Variants in MTAP observed in about 807,000 individuals in gnomAD.
The protein encoded by MTAP is S-methyl-5'-thioadenosine phosphorylase.
A neutral mutation model predicts 33.6 loss-of-function variants in MTAP; 33 were observed. The observed-to-expected ratio is 0.98, with a 90% CI of 0.74 to 1.31. MTAP has a LOEUF of 1.31. MTAP is among the 40% of genes most tolerant of loss of function. The probability of loss-of-function intolerance (pLI) is 0.00; values close to 1 mark genes in which losing one functional copy is unlikely to be tolerated. For missense variants in MTAP, 367 were observed against 360.0 expected (o/e 1.02, Z -0.16); for synonymous variants, 148 against 125.7 (o/e 1.18, Z -1.19).
At chr9:21,887,881 G>A (rs1290708957) in intron 1 of MTAP, among the ~76,000 whole-genome samples, 1 of 152,040 alleles carries the variant, frequency 6.6e-6, no homozygotes, top group Admixed American at 6.6e-5. Context: ...TGTGTGGGGG[G>A]GTTGCAGCTA....
chr9:21,871,830 C>G (rs1189140422), downstream of MTAP, among the ~76,000 whole-genome samples: 2 of 152,012 alleles, frequency 1.3e-5, no homozygotes, highest in African/African-American at 4.8e-5. Context: ...TTCTACCTCC[C>G]CAGATAGTGA....
chr9:21,924,282 C>G (rs981468660), intron 1 of MTAP, among the ~76,000 whole-genome samples: 3 of 152,124 alleles, frequency 2.0e-5, no homozygotes, highest in Non-Finnish European at 2.9e-5. Context: ...TCACATCTCC[C>G]TACTACAGTA....
intron 4 of MTAP, among the ~76,000 whole-genome samples, chr9:21,821,814 A>T (rs1352835280): frequency 3.3e-5 from 5 of 152,032 alleles, no homozygotes; most frequent in Non-Finnish European, 7.4e-5. Flanking sequence ...CCTGTTTGTT[A>T]TTGGTCTATT....
chr9:21,911,312 T>A (rs7874089), intron 1 of MTAP, among the ~76,000 whole-genome samples: 58,325 of 151,898 alleles, frequency 0.38, 13,424 homozygotes, highest in East Asian at 0.62. Context: ...CCACCCCAAA[T>A]CAACAGAATA....
At chr9:21,919,778 G>T (rs769147970) in intron 1 of MTAP, among the ~76,000 whole-genome samples, 9 of 152,116 alleles carry the variant, frequency 5.9e-5, no homozygotes, top group Admixed American at 2.0e-4. Context: ...GCACAAGTTA[G>T]TCAGAGAAGC....
At chr9:21,882,931 A>G (rs908622574) in intron 1 of MTAP, among the ~76,000 whole-genome samples, 2 of 152,022 alleles carry the variant, frequency 1.3e-5, no homozygotes, top group Non-Finnish European at 2.9e-5. Context: ...GCAGCCAAAT[A>G]TGTTCAGAGG....
rs1818801770 is a variant in MTAP at position 21,922,423 on chromosome 9, AC to A, written c.148-8584del. ...TGCCAACTTGGCCCTCTTCCAAGTTACTTTACTTTCTTTCATTCCTGCTCTA... is the reference window on the plus strand; with the variant it reads ...TGCCAACTTGGCCCTCTTCCAAGTTATTTACTTTCTTTCATTCCTGCTCTA... On this transcript the variant is annotated intron_variant, in intron 1 of 1. Transcript: ENST00000577563. This position sits in a 1 kb window ranked among gnomAD's most constrained non-coding sequence, Gnocchi z 4.8. 6.6e-6 allele frequency among the ~76,000 whole-genome samples: 1 copy of A among 152,076 alleles called. No homozygotes were observed. Among genetic ancestry groups the A allele is most frequent in the South Asian group, 2.1e-4 (1 of 4,814 alleles).
intron 6 of MTAP, 80 bp from the exon 7 acceptor site, chr9:21,859,223 G>T: frequency 6.5e-7 from 1 of 1,534,454 alleles, no homozygotes; most frequent in Middle Eastern, 1.8e-4. Context: ...GCTGTAGCAA[G>T]GCTGGAGCTC....
At chr9:21,887,268 C>A (rs537942686) in intron 1 of MTAP, among the ~76,000 whole-genome samples, 17 of 152,176 alleles carry the variant, frequency 1.1e-4, no homozygotes, top group African/African-American at 2.9e-4. Context: ...CCTCTCCCCC[C>A]ACCCCATAAT....
chr9:21,907,302 T>C (rs557450991), intron 1 of MTAP, among the ~76,000 whole-genome samples: 6 of 152,226 alleles, frequency 3.9e-5, no homozygotes, highest in Non-Finnish European at 8.8e-5. Context: ...ACCCCAGCAC[T>C]TTGGGAGGCC....
intron 6 of MTAP, chr9:21,856,249 A>G: frequency 8.3e-6 from 7 of 846,218 alleles, no homozygotes; most frequent in Non-Finnish European, 1.0e-5. Context: ...AAAGAGGCCT[A>G]ATATTGTACC....
chr9:21,831,147 A>AC (rs1401735477), intron 4 of MTAP, among the ~76,000 whole-genome samples: 1 of 151,840 alleles, frequency 6.6e-6, no homozygotes. Context: ...CCTTTCTTTC[A>AC]CCCCCAACTA....
At chr9:21,940,902 T>C (rs1819127882), downstream of MTAP, 9 of 589,038 alleles carry the variant, frequency 1.5e-5, no homozygotes, top group South Asian at 6.8e-4. Context: ...CTTTACTGCC[T>C]TTCTTCCCCC....
intron 1 of MTAP, among the ~76,000 whole-genome samples, chr9:21,812,758 A>T (rs1030943020): frequency 1.3e-5 from 2 of 152,220 alleles, no homozygotes; most frequent in Non-Finnish European, 2.9e-5. Flanking sequence ...TAACATGGAG[A>T]CAAATAACTT....
At chr9:21,817,281 C>T (rs1824499490) in intron 3 of MTAP, among the ~76,000 whole-genome samples, 1 of 152,106 alleles carries the variant, frequency 6.6e-6, no homozygotes, top group Non-Finnish European at 1.5e-5. Context: ...TATGAGTTCT[C>T]TACTGTTGTG....
intron 4 of MTAP, among the ~76,000 whole-genome samples, chr9:21,827,538 G>T (rs763949867): frequency 6.6e-6 from 1 of 152,164 alleles, no homozygotes; most frequent in East Asian, 1.9e-4. Flanking sequence ...AAATAATGGG[G>T]TTAGACTAAA....
intron 1 of MTAP, among the ~76,000 whole-genome samples, chr9:21,903,776 C>T (rs1214450863): frequency 1.3e-5 from 2 of 152,108 alleles, no homozygotes; most frequent in Non-Finnish European, 1.5e-5. Context: ...GGGCAGGTTG[C>T]GGAGCTCCGA....
chr9:21,803,316 C>G, intron 1 of MTAP: 1 of 191,520 alleles, frequency 5.2e-6, no homozygotes, highest in Non-Finnish European at 1.1e-5. Flanking sequence ...TTGTATGCTT[C>G]CGGCTTCTTT....
chr9:21,805,755 G>T (rs1378106099), intron 1 of MTAP, among the ~76,000 whole-genome samples: 1 of 152,190 alleles, frequency 6.6e-6, no homozygotes, highest in East Asian at 1.9e-4. Flanking sequence ...CTCAGACACT[G>T]AATCTGCTGT....
Sources: allele counts gnomAD v4.1 joint callset (sites outside exome capture counted in the v4.1 genomes callset), GRCh38; gene constraint gnomAD v4.1.1; non-coding constraint Gnocchi (gnomAD v3.1); transcripts MANE v1.5; gene names NCBI Gene and HGNC (gene_info 2026-07-23, HGNC 2026-07-21).